PAFAH2: variants seen among roughly 807,000 people sequenced by gnomAD.
PAFAH2 encodes platelet activating factor acetylhydrolase 2, also known as platelet-activating factor acetylhydrolase 2, cytoplasmic.
PAFAH2 carries 42 observed loss-of-function variants against 49.0 expected under a neutral mutation model. That is an observed-to-expected ratio of 0.86 (90% confidence interval 0.67 to 1.11). The LOEUF is 1.11. PAFAH2 is among the 50% of genes least tolerant of loss of function. The pLI, the probability that PAFAH2 is intolerant of heterozygous loss-of-function variation, is 0.00. For synonymous variants in PAFAH2, 184 were observed against 181.3 expected (o/e 1.01, Z -0.12); for missense variants, 503 against 501.8 (o/e 1.00, Z -0.02).
chr1:25,984,388 G>GT, intron 5 of PAFAH2, 72 bp downstream of exon 5: 1 of 1,134,428 alleles, frequency 8.8e-7, no homozygotes, highest in Non-Finnish European at 1.3e-6. Context: ...GTTAGAAATA[G>GT]TACATTGATA....
intron 10 of PAFAH2, among the ~76,000 whole-genome samples, chr1:25,969,268 C>G (rs554416411): frequency 1.3e-5 from 2 of 152,304 alleles, no homozygotes; most frequent in South Asian, 2.1e-4. Flanking sequence ...GAACCCTCCA[C>G]TAAGATTAAA....
chr1:25,966,438 T>C (rs2049424106), intron 10 of PAFAH2, among the ~76,000 whole-genome samples: 1 of 152,150 alleles, frequency 6.6e-6, no homozygotes, highest in African/African-American at 2.4e-5. Context: ...ACTACTCAGT[T>C]ATAAAAAAAG....
intron 1 of PAFAH2, among the ~76,000 whole-genome samples, chr1:25,995,613 G>A (rs17163462): frequency 0.026 from 3,955 of 152,148 alleles, 173 homozygotes; most frequent in African/African-American, 0.087. Flanking sequence ...ACATTTTCAC[G>A]ACTACGATTT....
At chr1:25,970,973 C>T (rs1039696108) in intron 10 of PAFAH2, among the ~76,000 whole-genome samples, 8 of 152,086 alleles carry the variant, frequency 5.3e-5, no homozygotes, top group Non-Finnish European at 8.8e-5. Flanking sequence ...GGAATTGAAC[C>T]GGGACAGGTG....
chr1:25,994,612 G>T (rs1171304723), intron 1 of PAFAH2, among the ~76,000 whole-genome samples: 1 of 152,210 alleles, frequency 6.6e-6, no homozygotes, highest in Non-Finnish European at 1.5e-5. Context: ...TGCTGATTGA[G>T]TGAAAAGTAG....
intron 6 of PAFAH2, among the ~76,000 whole-genome samples, 188 bp downstream of exon 6, chr1:25,983,757 TA>T (rs2049732438): frequency 1.3e-5 from 2 of 152,308 alleles, no homozygotes; most frequent in South Asian, 2.1e-4. Context: ...TAGGTAAGCC[TA>T]AGTTGGGGTT....
chr1:25,974,822 T>C (rs1249739216), intron 8 of PAFAH2, among the ~76,000 whole-genome samples, 172 bp from the exon 9 acceptor site: 1 of 152,182 alleles, frequency 6.6e-6, no homozygotes, highest in Non-Finnish European at 1.5e-5. Context: ...GGGATCACTT[T>C]TACTTTTCAC....
At chr1:25,976,461 C>T (rs141287015) in intron 8 of PAFAH2, among the ~76,000 whole-genome samples, 1 of 152,194 alleles carries the variant, frequency 6.6e-6, no homozygotes, top group Non-Finnish European at 1.5e-5. Context: ...TTCTTCATTG[C>T]ACTTGGTCAT....
intron 4 of PAFAH2, among the ~76,000 whole-genome samples, chr1:25,984,841 A>ATT (rs2049755501): frequency 9.5e-6 from 1 of 105,200 alleles, no homozygotes; most frequent in Admixed American, 1.2e-4. Flanking sequence ...AGCCAGAGAG[A>ATT]TTTCTTTTTT....
intron 9 of PAFAH2, 39 bp downstream of exon 9, chr1:25,974,441 G>A: frequency 6.6e-7 from 1 of 1,507,418 alleles, no homozygotes; most frequent in Admixed American, 2.1e-5. Flanking sequence ...AGTGGCAAAT[G>A]GAGAGGGCCC....
chr1:25,971,113 G>C (rs1251919660), intron 10 of PAFAH2, among the ~76,000 whole-genome samples: 1 of 152,114 alleles, frequency 6.6e-6, no homozygotes, highest in Non-Finnish European at 1.5e-5. Context: ...GGGTTAACCT[G>C]GGCAAGTAGA....
At chr1:25,963,952 C>T (rs1451371725) in intron 10 of PAFAH2, among the ~76,000 whole-genome samples, 1 of 152,198 alleles carries the variant, frequency 6.6e-6, no homozygotes, top group Non-Finnish European at 1.5e-5. Context: ...CCTAAGGCTG[C>T]AGCGTGCCTG....
chr1:25,977,741 A>C (rs1342090438), intron 7 of PAFAH2, among the ~76,000 whole-genome samples: 2 of 151,990 alleles, frequency 1.3e-5, no homozygotes, highest in Non-Finnish European at 2.9e-5. Context: ...TGAGCATGTT[A>C]AGAATAAGGG....
Position 25,974,610 on chromosome 1 carries a change from G to A in PAFAH2, c.799C>T (p.Arg267Cys), listed in dbSNP as rs377640769. 21 of 1,613,998 alleles carry A rather than the reference G, an allele frequency of 1.3e-5. No individual in the cohort carries two copies. The highest frequency in any genetic ancestry group is 5.0e-5 in the Admixed American group (3 of 59,996). The change falls in exon 9 of 11, where the codon CGT becomes TGT. Residue 267 changes from arginine to cysteine, a missense_variant. By Grantham distance (180) the Arg-to-Cys change is radical (BLOSUM62 -3). Transcript: ENST00000374282. ...CCTCGGGCCTTGGGGTAAAAGTCACGTTCCAGAGGAAACATCCAAGCATCC... is the reference window on the plus strand; with the variant it reads ...CCTCGGGCCTTGGGGTAAAAGTCACATTCCAGAGGAAACATCCAAGCATCC... ...ALDAWMFPLE[R>C]DFYPKARGPV... is the part of the protein sequence containing the mutation.
intron 10 of PAFAH2, among the ~76,000 whole-genome samples, chr1:25,963,498 G>A (rs1215673264): frequency 6.6e-6 from 1 of 151,960 alleles, no homozygotes; most frequent in Non-Finnish European, 1.5e-5. Flanking sequence ...AGGACCCAAT[G>A]TTTTTTGTTT....
At chr1:25,996,201 TA>T (rs1002406724) in intron 1 of PAFAH2, among the ~76,000 whole-genome samples, 303 of 142,376 alleles carry the variant, frequency 2.1e-3, no homozygotes, top group Middle Eastern at 3.6e-3. Context: ...ATAAAAAAAT[TA>T]AAAAAAAAAA....
At chr1:25,992,054 A>AGATCC (rs1337802370) in intron 1 of PAFAH2, among the ~76,000 whole-genome samples, 3 of 152,110 alleles carry the variant, frequency 2.0e-5, no homozygotes, top group African/African-American at 7.2e-5. Flanking sequence ...GGGGAGATTC[A>AGATCC]GTTATACAGA....
chr1:25,964,948 T>G (rs1021997741), intron 10 of PAFAH2, among the ~76,000 whole-genome samples: 1 of 152,098 alleles, frequency 6.6e-6, no homozygotes, highest in Non-Finnish European at 1.5e-5. Flanking sequence ...AAAAAGAGCC[T>G]GTCAAAGCAA....
intron 10 of PAFAH2, among the ~76,000 whole-genome samples, chr1:25,969,808 C>T (rs1193532204): frequency 6.6e-6 from 1 of 152,092 alleles, no homozygotes; most frequent in East Asian, 1.9e-4. Context: ...CATCATCTTT[C>T]ATCTTAAGCT....
Sources: allele counts gnomAD v4.1 joint callset (sites outside exome capture counted in the v4.1 genomes callset), GRCh38; gene constraint gnomAD v4.1.1; transcripts MANE v1.5; gene names NCBI Gene and HGNC (gene_info 2026-07-23, HGNC 2026-07-21).